The following MAP7D3 variants were observed in gnomAD, a reference collection of about 807,000 sequenced individuals.
MAP7D3 encodes MAP7 domain containing 3.
MAP7D3 carries 45 observed loss-of-function variants against 62.2 expected under a neutral mutation model. The ratio of observed to expected loss-of-function variants is 0.72; its 90% CI spans 0.57 to 0.93. The LOEUF (loss-of-function observed/expected upper bound fraction) is 0.93. Ranked by LOEUF, MAP7D3 falls within the 40% of genes least tolerant of loss-of-function variation. The pLI is 0.00. For missense variants in MAP7D3, 711 were observed against 683.1 expected, an observed-to-expected ratio of 1.04 and a Z score of -0.45; for synonymous variants, 288 against 248.8, an observed-to-expected ratio of 1.16 and a Z score of -1.48.
downstream of MAP7D3, chrX:136,213,538 G>A (rs1210475937): frequency 9.0e-6 from 1 of 110,946 alleles, no homozygotes; most frequent in Admixed American, 9.6e-5. Context: ...AATCCCATGT[G>A]GGAGACATAA....
chrX:136,230,570 G>C lies in MAP7D3; in HGVS notation c.1565C>G (p.Pro522Arg). The change falls in exon 10 of 19, where the codon CCT becomes CGT. Residue 522 changes from proline (P) to arginine (R), a missense_variant. Coordinates refer to ENST00000316077, the MANE Select transcript of MAP7D3 (RefSeq NM_024597.4). ...TGAAATAAGTGGTAATGGTGATGGA[G>C]GGCAGTTCTTTTGGATTTGCCTGCT... ...STNRQIQKNC[P>R]PSPLPLISKQ... 3.4e-6 allele frequency: 4 copies of C among 1,193,852 alleles called. No individual in the cohort carries two copies. The highest frequency in any genetic ancestry group is 4.5e-6 in the Non-Finnish European group (4 of 881,654).
rs1245807511 is a variant in MAP7D3 at position 136,251,301 on chromosome X, G to T, written c.58C>A (p.Arg20=). The change falls in exon 1 of 19, where the codon CGG becomes AGG. Residue 20 remains arginine, a synonymous_variant. Coordinates refer to ENST00000316077, the MANE Select transcript of MAP7D3 (RefSeq NM_024597.4). ...CCCGCCCGCTCACCCATCCGTGCCC[G>T]CAGCTCTCTCAAGGATGGGCTGCCG... ...AGGSPSLREL[R]ARMVAAANEI... The T allele has an allele frequency of 3.5e-6, 4 of 1,130,684 alleles. No homozygotes were observed. Among genetic ancestry groups the T allele is most frequent in the Non-Finnish European group, 3.5e-6 (3 of 861,378 alleles). The allele number at this position is 1,130,684 out of a possible 1,213,427, so 93.2% of individuals were successfully genotyped here. A position where few individuals can be genotyped will look rare whatever the true frequency, so the allele number is the denominator to read the frequency against.
At chrX:136,218,898 T>G (rs1214371841) in intron 18 of MAP7D3, among the ~76,000 whole-genome samples, 4 of 111,006 alleles carry the variant, frequency 3.6e-5, no homozygotes, top group Non-Finnish European at 5.7e-5. Context: ...TCACCCAGGC[T>G]AGAGTGCAGT....
intron 6 of MAP7D3, among the ~76,000 whole-genome samples, chrX:136,236,729 T>C (rs2074334264): frequency 8.9e-6 from 1 of 112,189 alleles, no homozygotes; most frequent in Non-Finnish European, 1.9e-5. Flanking sequence ...CACACACATG[T>C]GCACACACCA....
upstream of MAP7D3, among the ~76,000 whole-genome samples, chrX:136,252,695 A>AAAAAG (rs1569532552): frequency 1.4e-4 from 10 of 71,659 alleles, no homozygotes; most frequent in Non-Finnish European, 1.9e-4. Context: ...AAAAAAAAAA[A>AAAAAG]AAAAGAAAAG....
In MAP7D3 at chrX:136,246,065, C is replaced by T. The variant is rs747505696; in HGVS notation, c.253G>A (p.Ala85Thr). 2.6e-6 allele frequency: 3 copies of T among 1,173,385 alleles called. No homozygotes were observed. Among genetic ancestry groups the T allele is most frequent in the Non-Finnish European group, 3.4e-6 (3 of 870,985 alleles). Residue 85 changes from alanine to threonine, a missense_variant and splice_region_variant, in exon 3 of 19, where the codon GCC becomes ACC. By Grantham distance (58) the Ala-to-Thr change is moderately conservative. Transcript: ENST00000316077. ...TTTTGAAAAAAGGTCTAAAATATAC[C>T]GTCTTGCTGTCTCCTTTTCTCCTCT... ...RREEKRRQQD[A>T]NKETQLLEKE...
At chrX:136,248,614 A>C (rs779991633) in intron 1 of MAP7D3, among the ~76,000 whole-genome samples, 1 of 112,700 alleles carries the variant, frequency 8.9e-6, no homozygotes, top group East Asian at 2.8e-4. Context: ...ATTAAATAAG[A>C]AAATGTGTAG....
At position 136,220,969 on chromosome X, in the gene MAP7D3, A is replaced by G. The variant is rs763544035; in HGVS notation, c.2288-6T>C. ...GCCTGTGCCATTTAGAATGGCTAGG[A>G]AAAAAAATTACACAATTAAATATGG... is the stretch of plus-strand genomic sequence containing the variant. On this transcript the variant is annotated splice_region_variant and splice_polypyrimidine_tract_variant and intron_variant, in intron 15 of 18. Coordinates refer to ENST00000316077, the MANE Select transcript of MAP7D3 (RefSeq NM_024597.4). The G allele has an allele frequency of 2.6e-6, 3 of 1,132,135 alleles. No individual in the cohort carries two copies. The highest frequency in any genetic ancestry group is 3.6e-6 in the Non-Finnish European group (3 of 825,199). The allele number at this position is 1,132,135 out of a possible 1,213,427, so 93.3% of individuals were successfully genotyped here.
At chrX:136,236,105 G>T in intron 7 of MAP7D3, 139 bp downstream of exon 7, 1 of 421,505 alleles carries the variant, frequency 2.4e-6, no homozygotes, top group Non-Finnish European at 4.1e-6. Flanking sequence ...AATAAGCATG[G>T]CACCAAAGCA....
chrX:136,256,128 G>A, upstream of MAP7D3: 2 of 749,231 alleles, frequency 2.7e-6, no homozygotes, highest in African/African-American at 2.3e-5. Context: ...ACAAGGCTCT[G>A]GTTTTGTGTT....
chrX:136,243,206 G>A (rs1472800084), intron 4 of MAP7D3, among the ~76,000 whole-genome samples: 5 of 110,856 alleles, frequency 4.5e-5, no homozygotes, highest in South Asian at 3.9e-4. Context: ...AAAAAGAAAT[G>A]CAAATATTAG....
At chrX:136,227,045 C>T (rs919825191) in intron 12 of MAP7D3, among the ~76,000 whole-genome samples, 1 of 111,629 alleles carries the variant, frequency 9.0e-6, no homozygotes, top group African/African-American at 3.3e-5. Context: ...AGGAGAATGG[C>T]TTGAACCTGG....
At chrX:136,214,579 T>G (rs1001793394), downstream of MAP7D3, 3 of 111,752 alleles carry the variant, frequency 2.7e-5, 1 homozygote, top group Admixed American at 2.8e-4. Context: ...GGAACAGGGA[T>G]CAGAGAAGAG....
Position 136,246,117 on chromosome X carries a change from T to C in MAP7D3, c.201A>G (p.Ile67Met). ...TGCGCTCTCTTGCTAATCTTTGTTT[T>C]ATGTCATTTTTAAGCATGGATCCAT... ...VIDGSMLKND[I>M]KQRLARERRE... Residue 67 changes from isoleucine to methionine, a missense_variant, in exon 3 of 19, where the codon ATA becomes ATG. Ile to Met is a conservative substitution (Grantham distance 10, BLOSUM62 1). Transcript: ENST00000316077. 1 of 1,202,197 alleles carries C rather than the reference T, an allele frequency of 8.3e-7. No homozygotes were observed. Among genetic ancestry groups the C allele is most frequent in the Non-Finnish European group, 1.1e-6 (1 of 888,577 alleles).
At chrX:136,229,389 G>C (rs1177601966) in intron 10 of MAP7D3, among the ~76,000 whole-genome samples, 1 of 111,399 alleles carries the variant, frequency 9.0e-6, no homozygotes, top group East Asian at 2.8e-4. Flanking sequence ...TGAATAATCT[G>C]TAATTAAAAG....
Position 136,231,584 on chromosome X carries a change from A to G in MAP7D3, c.1373T>C (p.Met458Thr). 4.1e-6 allele frequency: 5 copies of G among 1,210,401 alleles called. No homozygotes were observed. Among genetic ancestry groups the G allele is most frequent in the South Asian group, 3.5e-5 (2 of 56,549 alleles). The change falls in exon 8 of 19, where the codon ATG becomes ACG. Residue 458 changes from methionine to threonine, a missense_variant. Coordinates refer to ENST00000316077, the MANE Select transcript of MAP7D3 (RefSeq NM_024597.4). ...CGCTTTTGCCTTGGGAGATGCTTCC[A>G]TGCTTGCTTCAAGGGATGTCTTGGG... ...ASPKTSLEAS[M>T]EASPKAKARD...
At chrX:136,249,989 A>T (rs1189953348) in intron 1 of MAP7D3, among the ~76,000 whole-genome samples, 1 of 112,434 alleles carries the variant, frequency 8.9e-6, no homozygotes, top group Admixed American at 9.4e-5. Context: ...TCCGGTTCAC[A>T]GCTTCTTCAC....
chrX:136,219,348 T>A (rs1237264117), intron 18 of MAP7D3, 50 bp downstream of exon 18: 1 of 763,773 alleles, frequency 1.3e-6, no homozygotes, highest in Non-Finnish European at 2.0e-6. Context: ...GGGGAGCGGG[T>A]TCAGGGTCAA....
At chrX:136,231,122 T>C (rs1036819902) in intron 8 of MAP7D3, 156 bp from the exon 9 acceptor site, 4 of 380,163 alleles carry the variant, frequency 1.1e-5, no homozygotes, top group Non-Finnish European at 1.8e-5. Flanking sequence ...AATCAGGACA[T>C]TGATATTTGC....
Sources: allele counts gnomAD v4.1 joint callset (sites outside exome capture counted in the v4.1 genomes callset), GRCh38; gene constraint gnomAD v4.1.1; transcripts MANE v1.5; gene names NCBI Gene and HGNC (gene_info 2026-07-23, HGNC 2026-07-21).